The following LARGE1 variants were observed in gnomAD, a reference collection of about 807,000 sequenced individuals.
LARGE1 encodes LARGE xylosyl- and glucuronyltransferase 1.
Under a neutral mutation model 87.6 loss-of-function variants are expected in LARGE1, and 43 were observed. That is an observed-to-expected ratio of 0.49 (90% confidence interval 0.38 to 0.63). The LOEUF is 0.63. Among genes scored for constraint, LARGE1 ranks in the 30% least tolerant of loss-of-function variants. LARGE1 has a pLI of 0.00. For synonymous variants in LARGE1, 434 were observed against 394.6 expected, an observed-to-expected ratio of 1.10 and a Z score of -1.18; for missense variants, 802 against 1,000.2, an observed-to-expected ratio of 0.80 and a Z score of 2.67.
At chr22:33,341,767 T>C (rs1569075343) in intron 9 of LARGE1, among the ~76,000 whole-genome samples, 1 of 152,182 alleles carries the variant, frequency 6.6e-6, no homozygotes, top group Non-Finnish European at 1.5e-5. Context: ...TCGTTTCTCT[T>C]CTTGGAACCT....
At chr22:33,167,737 C>T (rs1355587311) in intron 11 of LARGE1, among the ~76,000 whole-genome samples, 1 of 152,218 alleles carries the variant, frequency 6.6e-6, no homozygotes, top group African/African-American at 2.4e-5. Flanking sequence ...GTCATCTACT[C>T]ATTTCTCCAA....
chr22:33,672,402 C>G (rs548361682), intron 2 of LARGE1, among the ~76,000 whole-genome samples: 1 of 152,316 alleles, frequency 6.6e-6, no homozygotes, highest in East Asian at 1.9e-4. Flanking sequence ...CTCTTGCCCC[C>G]ACTTCCTTCC....
rs566370153 is a variant in LARGE1, at chr22:33,604,615, A to C, written c.492-57T>G. On this transcript the variant is annotated intron_variant, in intron 4 of 14. Transcript: ENST00000397394. ...GGAGAGGTACGGCTCTTTGAATTAC[A>C]GCTGCAAAAACACACTCTTCACAGT... 8 of 1,610,148 alleles carry C rather than the reference A, an allele frequency of 5.0e-6. No individual in the cohort carries two copies. The African/African-American group carries it at 9.3e-5, about 19-fold the overall frequency.
chr22:33,686,700 G>A (rs943875875), intron 2 of LARGE1, among the ~76,000 whole-genome samples: 5 of 152,200 alleles, frequency 3.3e-5, no homozygotes, highest in Middle Eastern at 3.4e-3. Flanking sequence ...GGACTATGGC[G>A]CCCTTCTCTT....
At chr22:33,395,767 C>A (rs1379929255) in intron 7 of LARGE1, among the ~76,000 whole-genome samples, 1 of 152,150 alleles carries the variant, frequency 6.6e-6, no homozygotes, top group African/African-American at 2.4e-5. Flanking sequence ...AAACTCAGTA[C>A]TTCTCACAGT....
In LARGE1 at chr22:33,869,257, T is replaced by C. The variant is rs185409139; in HGVS notation, c.-83+50738A>G. Among the ~76,000 whole-genome samples the C allele has an allele frequency of 2.0e-3, 309 of 152,212 alleles. 2 individuals carry two copies. The highest frequency in any genetic ancestry group is 2.8e-4 in the Non-Finnish European group (19 of 68,014). Reference sequence around the variant, plus strand: ...CTGCTTGATCTGACCCCTGCAGGCCTACTCACCTTCCCTACTCCCCAGGCC... The same window carrying C: ...CTGCTTGATCTGACCCCTGCAGGCCCACTCACCTTCCCTACTCCCCAGGCC... On this transcript the variant is annotated intron_variant, in intron 1 of 14. Coordinates refer to ENST00000397394, the MANE Select transcript of LARGE1 (RefSeq NM_133642.5).
At chr22:33,171,935 A>C (rs1452618350) in intron 11 of LARGE1, among the ~76,000 whole-genome samples, 15 of 152,134 alleles carry the variant, frequency 9.9e-5, no homozygotes, top group Non-Finnish European at 2.1e-4. Context: ...ATACACCTGG[A>C]AACACCACAG....
chr22:33,367,735 C>T (rs1409700114), intron 9 of LARGE1, among the ~76,000 whole-genome samples: 2 of 152,196 alleles, frequency 1.3e-5, no homozygotes, highest in Non-Finnish European at 2.9e-5. Flanking sequence ...CCAACTCTAA[C>T]GTTGTTTATA....
intron 9 of LARGE1, among the ~76,000 whole-genome samples, chr22:33,361,377 C>T (rs1289229574): frequency 2.0e-5 from 3 of 149,482 alleles, no homozygotes; most frequent in African/African-American, 7.4e-5. Context: ...CCTGTTGATT[C>T]CAGAAAGAGC....
the LARGE1 span, among the ~76,000 whole-genome samples, chr22:33,076,695 T>G: frequency 6.6e-6 from 1 of 152,218 alleles, no homozygotes; most frequent in Non-Finnish European, 1.5e-5. Flanking sequence ...CCTACAGATC[T>G]GTCCAATAGT....
At chr22:33,199,091 T>C (rs1489467063) in intron 11 of LARGE1, among the ~76,000 whole-genome samples, 1 of 152,344 alleles carries the variant, frequency 6.6e-6, no homozygotes, top group African/African-American at 2.4e-5. Context: ...TTTGCATTTA[T>C]CTGATGATCG....
intron 1 of LARGE1, among the ~76,000 whole-genome samples, chr22:33,810,430 T>C (rs1345687824): frequency 6.6e-6 from 1 of 152,122 alleles, no homozygotes; most frequent in East Asian, 1.9e-4. Context: ...GATTCTACCA[T>C]GGTGTGGTGG....
Position 33,868,054 on chromosome 22 carries a change from C to T in LARGE1, c.-83+51941G>A, listed in dbSNP as rs147488911. ...TACCCGCTCCATTTTCCCACAACCACGGTACATTTCATCCTGCTGAAAAGA... is the reference window on the plus strand; with the variant it reads ...TACCCGCTCCATTTTCCCACAACCATGGTACATTTCATCCTGCTGAAAAGA... On this transcript the variant is annotated intron_variant, in intron 1 of 14. Transcript: ENST00000397394. 9.2e-5 allele frequency among the ~76,000 whole-genome samples: 14 copies of T among 152,314 alleles called. No homozygotes were observed. The East Asian group carries it at 2.1e-3, about 23-fold the overall frequency.
chr22:33,403,559 G>A (rs2065994962), intron 7 of LARGE1, among the ~76,000 whole-genome samples: 1 of 151,996 alleles, frequency 6.6e-6, no homozygotes. Context: ...GTTAATTCTA[G>A]TCTGCTACTT....
At chr22:33,912,366 TA>T (rs1419756161) in intron 1 of LARGE1, among the ~76,000 whole-genome samples, 1 of 152,068 alleles carries the variant, frequency 6.6e-6, no homozygotes. Context: ...ATTTAAAATT[TA>T]AAAAAAAGAA....
chr22:33,391,200 C>G (rs920404512), intron 7 of LARGE1, among the ~76,000 whole-genome samples: 4 of 152,102 alleles, frequency 2.6e-5, no homozygotes, highest in Non-Finnish European at 5.9e-5. Context: ...GTCATTTCGT[C>G]TATGATTCAT....
chr22:33,199,208 T>TC (rs948500152), intron 11 of LARGE1, among the ~76,000 whole-genome samples: 89 of 101,142 alleles, frequency 8.8e-4, no homozygotes, highest in African/African-American at 3.3e-3. Context: ...GTTTGAGGTT[T>TC]TTTTTTTTCT....
In LARGE1 at chr22:33,364,003, T is replaced by C. The variant is rs377426348; in HGVS notation, c.1131+17916A>G. 1.5e-4 allele frequency among the ~76,000 whole-genome samples: 22 copies of C among 149,626 alleles called. 1 individual carries two copies. The highest frequency in any genetic ancestry group is 3.5e-3 in the Middle Eastern group (1 of 286). On this transcript the variant is annotated intron_variant, in intron 9 of 14. Transcript: ENST00000397394. Reference sequence around the variant, plus strand: ...AGGGATGACCCAAGAACACCGTCTGTCCCACCAGGCCAATCTGGGTCTCAG... The same window carrying C: ...AGGGATGACCCAAGAACACCGTCTGCCCCACCAGGCCAATCTGGGTCTCAG...
chr22:33,858,768 C>A, intron 1 of LARGE1, among the ~76,000 whole-genome samples: 1 of 152,158 alleles, frequency 6.6e-6, no homozygotes, highest in East Asian at 1.9e-4. Context: ...CAGCACTATT[C>A]ACAATAGCAA....
Sources: gnomAD v4.1 joint callset for allele counts (sites outside exome capture counted in the v4.1 genomes callset) on GRCh38, gnomAD v4.1.1 for gene constraint, MANE v1.5 for transcripts, NCBI Gene and HGNC (gene_info 2026-07-23, HGNC 2026-07-21) for gene names.